Variants in LRRC4C observed in about 807,000 individuals in gnomAD.
The protein encoded by LRRC4C is leucine rich repeat containing 4C.
Under a neutral mutation model 33.6 loss-of-function variants are expected in LRRC4C, and 5 were observed. The observed-to-expected ratio is 0.15, with a 90% CI of 0.08 to 0.31. LRRC4C has a LOEUF of 0.31. Ranked by LOEUF, LRRC4C falls within the 10% of genes least tolerant of loss-of-function variation. The pLI, the probability that LRRC4C is intolerant of heterozygous loss-of-function variation, is 1.00. For synonymous variants in LRRC4C, 329 were observed against 302.0 expected, an observed-to-expected ratio of 1.09 and a Z score of -0.93; for missense variants, 560 against 796.7, an observed-to-expected ratio of 0.70 and a Z score of 3.58.
At chr11:40,919,643 G>A (rs1372112792) in intron 2 of LRRC4C, among the ~76,000 whole-genome samples, 3 of 152,050 alleles carry the variant, frequency 2.0e-5, no homozygotes, top group Non-Finnish European at 4.4e-5. Flanking sequence ...TAAGTTCTGG[G>A]TCTGGGTCTG....
chr11:40,451,223 G>T (rs537026273), intron 3 of LRRC4C, among the ~76,000 whole-genome samples: 162 of 151,602 alleles, frequency 1.1e-3, no homozygotes, highest in African/African-American at 3.8e-3. Flanking sequence ...AAAAATTAGT[G>T]CATCAAAAGC....
chr11:40,829,786 G>C (rs1320733839), intron 2 of LRRC4C, among the ~76,000 whole-genome samples: 1 of 151,978 alleles, frequency 6.6e-6, no homozygotes, highest in African/African-American at 2.4e-5. Context: ...CAACCACTGT[G>C]TCAGGTGCTG....
At chr11:40,491,496 G>C (rs572359792) in intron 3 of LRRC4C, among the ~76,000 whole-genome samples, 2 of 152,180 alleles carry the variant, frequency 1.3e-5, no homozygotes, top group African/African-American at 2.4e-5. Context: ...TGAGGCTTGG[G>C]GTTCTCTTTC....
chr11:40,149,820 T>A (rs1858038515), intron 5 of LRRC4C, among the ~76,000 whole-genome samples: 1 of 152,112 alleles, frequency 6.6e-6, no homozygotes, highest in Admixed American at 6.5e-5. Context: ...ACTTAAAGAA[T>A]AATATGGGGA....
intron 1 of LRRC4C, among the ~76,000 whole-genome samples, chr11:40,981,281 G>T (rs1310436043): frequency 1.3e-5 from 2 of 152,118 alleles, no homozygotes; most frequent in Non-Finnish European, 2.9e-5. Flanking sequence ...TGGCGTGGTG[G>T]TGTGCGCCTG....
At chr11:41,286,228 ACTCT>A (rs1949823956) in intron 1 of LRRC4C, among the ~76,000 whole-genome samples, 1 of 151,792 alleles carries the variant, frequency 6.6e-6, no homozygotes, top group African/African-American at 2.4e-5. Context: ...TTCTCACTTC[ACTCT>A]CTCTCTTTTA....
chr11:41,171,891 C>G (rs957683226), intron 1 of LRRC4C, among the ~76,000 whole-genome samples: 1 of 151,868 alleles, frequency 6.6e-6, no homozygotes. Context: ...ACTGAACGAC[C>G]ACCAGGCCAG....
intron 5 of LRRC4C, among the ~76,000 whole-genome samples, chr11:40,221,654 G>A (rs891865419): frequency 1.3e-5 from 2 of 152,118 alleles, no homozygotes; most frequent in African/African-American, 4.8e-5. Context: ...CAAGCAGACA[G>A]CCCGGCGCCA....
At chr11:40,924,900 C>T (rs10501242) in intron 2 of LRRC4C, among the ~76,000 whole-genome samples, 8,943 of 152,196 alleles carry the variant, frequency 0.059, 384 homozygotes, top group Admixed American at 0.15. Context: ...AAGGAACATA[C>T]TCAATTCCAG....
At chr11:41,080,342 CTTTTTTTTTTT>C (rs71060997) in intron 1 of LRRC4C, among the ~76,000 whole-genome samples, 3 of 103,434 alleles carry the variant, frequency 2.9e-5, no homozygotes, top group African/African-American at 1.1e-4. Flanking sequence ...GAGTCTCCTC[CTTTTTTTTTTT>C]TTTTTTTTTT....
intron 1 of LRRC4C, among the ~76,000 whole-genome samples, chr11:41,293,290 T>C (rs1199527287): frequency 3.3e-5 from 5 of 152,142 alleles, no homozygotes; most frequent in Admixed American, 2.0e-4. Context: ...ATTACTATCA[T>C]AGTAAGATAA....
chr11:40,855,737 C>T (rs1209275160), intron 2 of LRRC4C, among the ~76,000 whole-genome samples: 1 of 152,010 alleles, frequency 6.6e-6, no homozygotes. Flanking sequence ...TTGGTGGTGG[C>T]CACCAGGCAT....
At chr11:40,499,568 A>G (rs545334992) in intron 3 of LRRC4C, among the ~76,000 whole-genome samples, 3 of 152,030 alleles carry the variant, frequency 2.0e-5, no homozygotes, top group South Asian at 4.1e-4. Context: ...TGACATCAAC[A>G]AAAGAGCCAC....
chr11:41,396,480 C>T (rs1953819460), intron 1 of LRRC4C, among the ~76,000 whole-genome samples: 1 of 151,940 alleles, frequency 6.6e-6, no homozygotes, highest in African/African-American at 2.4e-5. Flanking sequence ...ATTGTCTTCA[C>T]TTTCTGATCT....
chr11:41,256,142 GT>G (rs1236441572), intron 1 of LRRC4C, among the ~76,000 whole-genome samples: 4 of 151,958 alleles, frequency 2.6e-5, no homozygotes, highest in African/African-American at 7.2e-5. Flanking sequence ...CTGTCTGTTT[GT>G]GTCTTTATCC....
intron 3 of LRRC4C, among the ~76,000 whole-genome samples, chr11:40,620,067 A>T: frequency 6.6e-6 from 1 of 151,058 alleles, no homozygotes; most frequent in East Asian, 1.9e-4. Context: ...TGAAAAAAAA[A>T]AAAAAAAAGA....
chr11:40,873,701 G>A (rs756271462), intron 2 of LRRC4C, among the ~76,000 whole-genome samples: 22 of 152,108 alleles, frequency 1.4e-4, no homozygotes, highest in Non-Finnish European at 2.9e-4. Flanking sequence ...TAGTAGGATT[G>A]GTTCACATTT....
At chr11:40,559,446 A>C (rs1957462003) in intron 3 of LRRC4C, among the ~76,000 whole-genome samples, 1 of 152,020 alleles carries the variant, frequency 6.6e-6, no homozygotes, top group African/African-American at 2.4e-5. Context: ...TGGCCTCCCA[A>C]AGTGCTGGGA....
intron 4 of LRRC4C, among the ~76,000 whole-genome samples, chr11:40,259,910 G>C (rs1009786632): frequency 6.6e-6 from 1 of 151,496 alleles, no homozygotes; most frequent in African/African-American, 2.4e-5. Flanking sequence ...AACAACAGGT[G>C]CTGGAGAGGA....
Sources: gnomAD v4.1 joint callset for allele counts (sites outside exome capture counted in the v4.1 genomes callset) on GRCh38, gnomAD v4.1.1 for gene constraint, MANE v1.5 for transcripts, NCBI Gene and HGNC (gene_info 2026-07-23, HGNC 2026-07-21) for gene names.